Variants in SNTG1 observed in about 807,000 individuals in gnomAD.
SNTG1 encodes gamma-1-syntrophin.
In SNTG1, 39 loss-of-function variants were observed where a neutral mutation model predicts 74.7. The ratio of observed to expected loss-of-function variants is 0.52; its 90% confidence interval spans 0.40 to 0.68. SNTG1 has a LOEUF of 0.68. Among genes scored for constraint, SNTG1 ranks in the 30% least tolerant of loss-of-function variants. The pLI, the probability that SNTG1 is intolerant of heterozygous loss-of-function variation, is 0.00. For synonymous variants in SNTG1, 254 were observed against 217.1 expected (o/e 1.17, Z -1.49); for missense variants, 685 against 609.5 (o/e 1.12, Z -1.30).
At chr8:49,959,287 G>C (rs1332219986) in intron 1 of SNTG1, among the ~76,000 whole-genome samples, 1 of 152,196 alleles carries the variant, frequency 6.6e-6, no homozygotes, top group Non-Finnish European at 1.5e-5. Context: ...AAAAGGGGGA[G>C]ACAAGTCTTT....
At chr8:50,199,611 A>G (rs977276873) in intron 2 of SNTG1, among the ~76,000 whole-genome samples, 2 of 152,186 alleles carry the variant, frequency 1.3e-5, no homozygotes, top group African/African-American at 4.8e-5. Context: ...AATATGTGGC[A>G]GGACAAGCAG....
chr8:50,304,868 C>T (rs139208753), intron 2 of SNTG1, among the ~76,000 whole-genome samples: 32 of 152,180 alleles, frequency 2.1e-4, no homozygotes, highest in African/African-American at 6.7e-4. Flanking sequence ...TTAGATTCCT[C>T]GAGTTGCTCA....
At position 50,711,249 on chromosome 8, in the gene SNTG1, TTCTA is replaced by T. The variant is rs138777753; in HGVS notation, c.1284+2277_1284+2280del. The stretch of plus-strand genomic sequence containing the variant: ...TTAAAATAAATAATATCTAGTTATT[TTCTA>T]TCTATTTTTTCTAAGTAATATGAAT... On this transcript the variant is annotated intron_variant, in intron 17 of 18. Coordinates refer to ENST00000642720, the MANE Select transcript of SNTG1 (RefSeq NM_018967.5). Among the ~76,000 whole-genome samples, 77 of 152,308 alleles carry T rather than the reference TTCTA, an allele frequency of 5.1e-4. No homozygotes were observed. In the East Asian group the frequency reaches 8.1e-3, roughly 16 times the overall value.
intron 1 of SNTG1, among the ~76,000 whole-genome samples, chr8:50,161,320 G>T (rs1041390649): frequency 6.6e-6 from 1 of 152,222 alleles, no homozygotes; most frequent in African/African-American, 2.4e-5. Flanking sequence ...AAATGAGGTA[G>T]AAAGACTTAA....
chr8:50,514,511 T>C (rs1209773036), intron 9 of SNTG1, among the ~76,000 whole-genome samples: 1 of 152,194 alleles, frequency 6.6e-6, no homozygotes, highest in Non-Finnish European at 1.5e-5. Context: ...ACTTCATTGT[T>C]TAATTTCCAC....
chr8:50,277,859 T>C (rs1233218676), intron 2 of SNTG1, among the ~76,000 whole-genome samples: 1 of 152,198 alleles, frequency 6.6e-6, no homozygotes, highest in African/African-American at 2.4e-5. Context: ...TCGATGGTTA[T>C]GAAAGGTACC....
intron 1 of SNTG1, among the ~76,000 whole-genome samples, chr8:49,981,210 T>C (rs2130138190): frequency 6.6e-6 from 1 of 152,164 alleles, no homozygotes; most frequent in East Asian, 1.9e-4. Context: ...GTACCTGAAG[T>C]AACCTTAGCA....
At chr8:50,276,176 G>A (rs1586927670) in intron 2 of SNTG1, among the ~76,000 whole-genome samples, 4 of 151,930 alleles carry the variant, frequency 2.6e-5, no homozygotes, top group South Asian at 2.1e-4. Flanking sequence ...ACAGGCCCAC[G>A]GCATTCTGCT....
At chr8:50,773,760 A>G (rs938744870) in intron 18 of SNTG1, among the ~76,000 whole-genome samples, 1 of 152,132 alleles carries the variant, frequency 6.6e-6, no homozygotes, top group Admixed American at 6.6e-5. Context: ...GACTCAATAG[A>G]AGCTTTCTTT....
Position 49,974,878 on chromosome 8 carries a change from A to C in SNTG1, c.-103+62647A>C, listed in dbSNP as rs551579096. 5.3e-5 allele frequency among the ~76,000 whole-genome samples: 8 copies of C among 152,304 alleles called. No homozygotes were observed. The East Asian group carries it at 1.4e-3, about 26-fold the overall frequency. On this transcript the variant is annotated intron_variant, in intron 1 of 18. Coordinates refer to ENST00000642720, the MANE Select transcript of SNTG1 (RefSeq NM_018967.5). ...TCTTGTGGGTAATTGGTTTTGGGAAATGTAGAGTAAAACAAAATTAGGCAT... is the reference window on the plus strand; with the variant it reads ...TCTTGTGGGTAATTGGTTTTGGGAACTGTAGAGTAAAACAAAATTAGGCAT...
intron 18 of SNTG1, among the ~76,000 whole-genome samples, chr8:50,781,369 T>A (rs2095658917): frequency 6.6e-6 from 1 of 152,160 alleles, no homozygotes; most frequent in Admixed American, 6.5e-5. Flanking sequence ...CAGGACTTGC[T>A]TTATGAATCT....
At chr8:50,031,237 G>C (rs1020986044) in intron 1 of SNTG1, among the ~76,000 whole-genome samples, 1 of 151,880 alleles carries the variant, frequency 6.6e-6, no homozygotes, top group Non-Finnish European at 1.5e-5. Flanking sequence ...AGGTCCTTAA[G>C]CATACAATTC....
chr8:50,501,384 T>C (rs539611728), intron 8 of SNTG1, among the ~76,000 whole-genome samples: 5 of 150,774 alleles, frequency 3.3e-5, no homozygotes, highest in Non-Finnish European at 4.4e-5. Context: ...GTGTTTACAG[T>C]TGTACTTCTT....
chr8:50,520,270 C>T (rs1370917840), intron 9 of SNTG1, among the ~76,000 whole-genome samples: 3 of 152,104 alleles, frequency 2.0e-5, no homozygotes, highest in Non-Finnish European at 4.4e-5. Context: ...CTCTTCCTAA[C>T]ACCTTATACA....
intron 1 of SNTG1, among the ~76,000 whole-genome samples, chr8:50,150,535 A>G (rs2082030764): frequency 1.3e-5 from 2 of 152,166 alleles, no homozygotes; most frequent in South Asian, 4.1e-4. Flanking sequence ...TGGGTTTGTC[A>G]TAAATAGCTC....
chr8:50,273,065 A>G (rs1336957724), intron 2 of SNTG1, among the ~76,000 whole-genome samples: 1 of 152,180 alleles, frequency 6.6e-6, no homozygotes, highest in African/African-American at 2.4e-5. Flanking sequence ...CAAATTTTTT[A>G]TAATTACAAA....
At chr8:50,136,749 C>T (rs2081487672) in intron 1 of SNTG1, among the ~76,000 whole-genome samples, 1 of 151,954 alleles carries the variant, frequency 6.6e-6, no homozygotes, top group South Asian at 2.1e-4. Flanking sequence ...TATGACTTAC[C>T]TTGTGTAAAA....
chr8:50,649,341 T>A (rs1396157136), intron 13 of SNTG1, among the ~76,000 whole-genome samples: 1 of 151,990 alleles, frequency 6.6e-6, no homozygotes, highest in Admixed American at 6.6e-5. Flanking sequence ...CTACTAAAAA[T>A]ACAAAAAATT....
At chr8:50,541,839 G>A (rs544885623) in intron 11 of SNTG1, among the ~76,000 whole-genome samples, 2 of 151,428 alleles carry the variant, frequency 1.3e-5, no homozygotes, top group South Asian at 2.1e-4. Flanking sequence ...TCCTGGTCTC[G>A]GGTAATGAAC....
Sources: gnomAD v4.1 joint callset for allele counts (sites outside exome capture counted in the v4.1 genomes callset) on GRCh38, gnomAD v4.1.1 for gene constraint, MANE v1.5 for transcripts, NCBI Gene and HGNC (gene_info 2026-07-23, HGNC 2026-07-21) for gene names.